The following MLXIPL variants were observed in gnomAD, a reference collection of about 807,000 sequenced individuals.
The protein encoded by MLXIPL is MLX interacting protein like.
MLXIPL carries 49 observed loss-of-function variants against 81.5 expected under a neutral mutation model. The observed-to-expected ratio is 0.60, with a 90% CI of 0.48 to 0.76. MLXIPL has a LOEUF of 0.76. MLXIPL is among the 30% of genes least tolerant of loss of function. MLXIPL has a pLI of 0.00. For synonymous variants in MLXIPL, 466 were observed against 485.5 expected (o/e 0.96, Z 0.53); for missense variants, 1,053 against 1,167.0 (o/e 0.90, Z 1.42).
the MLXIPL span, among the ~76,000 whole-genome samples, chr7:73,641,605 T>G: frequency 6.6e-6 from 1 of 152,172 alleles, no homozygotes; most frequent in South Asian, 2.1e-4. Context: ...TGACACCAGC[T>G]GTGTGTCCTG....
chr7:73,634,392 T>G, the MLXIPL span, among the ~76,000 whole-genome samples: 3 of 152,074 alleles, frequency 2.0e-5, no homozygotes, highest in African/African-American at 7.2e-5. Flanking sequence ...TTATTTACTT[T>G]AAAAGGAAAA....
In MLXIPL at chr7:73,597,283, C is replaced by G; in HGVS notation, c.1502G>C (p.Arg501Thr). ...PRGKPPAPSPRGQKASPPTLA... is the reference protein window; with the variant it reads ...PRGKPPAPSPTGQKASPPTLA... ...GGTAGGGGGGCTGGCTTTCTGTCCC[C>G]TAGGGGATGGGGCGGGGGGCTTGCC... The change falls in exon 9 of 17, where the codon AGG (arginine) becomes ACG (threonine). Residue 501 changes from arginine to threonine, a missense_variant. Physicochemically the swap from Arg to Thr is moderately conservative, Grantham distance 71. Transcript: ENST00000313375. 1 of 1,575,522 alleles carries G rather than the reference C, an allele frequency of 6.3e-7. No homozygotes were observed. Among genetic ancestry groups the G allele is most frequent in the Non-Finnish European group, 8.6e-7 (1 of 1,161,046 alleles).
Position 73,596,744 on chromosome 7 carries a change from G to A in MLXIPL, c.1717C>T (p.Pro573Ser), listed in dbSNP as rs2116187409. 1.3e-6 allele frequency: 2 copies of A among 1,597,492 alleles called. No homozygotes were observed. Among genetic ancestry groups the A allele is most frequent in the South Asian group, 2.2e-5 (2 of 88,894 alleles). The change falls in exon 11 of 17, where the codon CCG (proline) becomes TCG (serine). Residue 573 changes from proline to serine, a missense_variant. Pro to Ser is a moderately conservative substitution (Grantham distance 74). This residue lies in a region of MLXIPL where 823 missense variants were observed against 933.0 expected (regional missense o/e 0.88). Coordinates refer to ENST00000313375, the MANE Select transcript of MLXIPL (RefSeq NM_032951.3). The surrounding 1 kb of genome is among the most constrained non-coding windows in gnomAD (Gnocchi z 4.7). ...GGTGGCCGGGGCGGTGTAGGGGCCGGGGTCGGGGGAAGGAATGTGCAGGGG... is the reference window on the plus strand; with the variant it reads ...GGTGGCCGGGGCGGTGTAGGGGCCGAGGTCGGGGGAAGGAATGTGCAGGGG... ...EFPCTFLPPT[P>S]APTPPRPPPG...
the MLXIPL span, among the ~76,000 whole-genome samples, chr7:73,632,952 TG>T: frequency 6.6e-6 from 1 of 151,878 alleles, no homozygotes; most frequent in African/African-American, 2.4e-5. Flanking sequence ...GCTAATTTTT[TG>T]TATTTTTAGT....
chr7:73,633,091 T>TTA, the MLXIPL span, among the ~76,000 whole-genome samples: 21 of 141,592 alleles, frequency 1.5e-4, no homozygotes, highest in African/African-American at 5.5e-4. Flanking sequence ...TTTTTTTTTT[T>TTA]TTTATTTGAG....
chr7:73,626,871 G>A (rs782629265), upstream of MLXIPL, among the ~76,000 whole-genome samples: 6 of 152,186 alleles, frequency 3.9e-5, no homozygotes, highest in Admixed American at 1.3e-4. Flanking sequence ...TCCCATGTGT[G>A]GCAGCCTTGG....
chr7:73,629,566 C>G, the MLXIPL span, among the ~76,000 whole-genome samples: 1 of 152,104 alleles, frequency 6.6e-6, no homozygotes, highest in African/African-American at 2.4e-5. Flanking sequence ...GACTCTGTCT[C>G]TACAAAAAAT....
the MLXIPL span, among the ~76,000 whole-genome samples, chr7:73,633,090 T>TTA: frequency 2.7e-5 from 4 of 149,208 alleles, no homozygotes; most frequent in Admixed American, 2.7e-4. Flanking sequence ...CTTTTTTTTT[T>TTA]TTTTATTTGA....
At chr7:73,608,590 A>T (rs1248221400) in intron 2 of MLXIPL, among the ~76,000 whole-genome samples, 1 of 148,958 alleles carries the variant, frequency 6.7e-6, no homozygotes, top group Non-Finnish European at 1.5e-5. Context: ...CAAAGAAAAA[A>T]AAAAAAGAAA....
At chr7:73,644,885 C>T in the MLXIPL span, among the ~76,000 whole-genome samples, 9 of 152,214 alleles carry the variant, frequency 5.9e-5, no homozygotes, top group Admixed American at 1.3e-4. Flanking sequence ...GGGCATCAGG[C>T]CCCTGGACTG....
At chr7:73,624,140 G>A (rs1414638756) in intron 1 of MLXIPL, 60 bp downstream of exon 1, 7 of 522,172 alleles carry the variant, frequency 1.3e-5, no homozygotes, top group African/African-American at 8.8e-5. Flanking sequence ...GTCCTGCCCC[G>A]GACCCCCCCC....
chr7:73,628,180 G>A (rs1332676140), upstream of MLXIPL, among the ~76,000 whole-genome samples: 29 of 151,946 alleles, frequency 1.9e-4, no homozygotes, highest in Admixed American at 1.1e-3. Flanking sequence ...TGCTGGCCGT[G>A]TCTCCAGATC....
At chr7:73,632,540 C>G in the MLXIPL span, among the ~76,000 whole-genome samples, 10 of 152,302 alleles carry the variant, frequency 6.6e-5, no homozygotes, top group Admixed American at 3.3e-4. Flanking sequence ...TCGGCCACAA[C>G]CATCTTCACT....
At chr7:73,607,732 G>A in intron 2 of MLXIPL, 60 bp from the exon 3 acceptor site, 1 of 1,462,720 alleles carries the variant, frequency 6.8e-7, no homozygotes, top group Non-Finnish European at 9.5e-7. Flanking sequence ...CTCACCCCAG[G>A]GGACTGGGAC....
intron 7 of MLXIPL, 94 bp from the exon 8 acceptor site, chr7:73,599,789 G>A: frequency 7.6e-7 from 1 of 1,307,580 alleles, no homozygotes; most frequent in East Asian, 2.3e-5. Context: ...AGCCTTGGCG[G>A]GTGGGGACAT....
rs782150923 is a variant in MLXIPL, at chr7:73,595,875, C to T, written c.2153G>A (p.Arg718Gln). Residue 718 changes from arginine to glutamine, a missense_variant, in exon 14 of 17, where the codon CGG (arginine) becomes CAG (glutamine). This residue lies in a region of MLXIPL where 823 missense variants were observed against 933.0 expected (regional missense o/e 0.88). Coordinates refer to ENST00000313375, the MANE Select transcript of MLXIPL (RefSeq NM_032951.3). ...GGCATTGAGCTCCTCAATCTCATCCCGCAGCTGCTGGGCCTCCTCCTGCAA... is the reference window on the plus strand; with the variant it reads ...GGCATTGAGCTCCTCAATCTCATCCTGCAGCTGCTGGGCCTCCTCCTGCAA... ...AGLQEEAQQL[R>Q]DEIEELNAAI... The T allele has an allele frequency of 1.2e-6, 2 of 1,610,998 alleles. No homozygotes were observed. Among genetic ancestry groups the T allele is most frequent in the African/African-American group, 1.3e-5 (1 of 74,866 alleles).
intron 5 of MLXIPL, 198 bp downstream of exon 5, chr7:73,606,776 T>C (rs1000809268): frequency 9.6e-6 from 6 of 622,908 alleles, no homozygotes; most frequent in African/African-American, 7.3e-5. Context: ...TGACCTGGGG[T>C]CTTCTCACCA....
chr7:73,621,664 C>T (rs1421991756), intron 1 of MLXIPL, among the ~76,000 whole-genome samples: 2 of 146,204 alleles, frequency 1.4e-5, no homozygotes, highest in African/African-American at 5.0e-5. Context: ...CCGAGCCAAC[C>T]CTCCATCTCC....
intron 2 of MLXIPL, 121 bp from the exon 3 acceptor site, chr7:73,607,793 T>TG: frequency 2.8e-6 from 2 of 710,196 alleles, no homozygotes; most frequent in African/African-American, 1.8e-5. Context: ...TCAGATTAAG[T>TG]GCCCATGCTG....
Sources: gnomAD v4.1 joint callset for allele counts (sites outside exome capture counted in the v4.1 genomes callset) on GRCh38, gnomAD v4.1.1 for gene constraint, gnomAD v4.1.1 regional missense constraint, Gnocchi (gnomAD v3.1) non-coding constraint, MANE v1.5 for transcripts, NCBI Gene and HGNC (gene_info 2026-07-23, HGNC 2026-07-21) for gene names.